Variants in SATB2 observed in about 807,000 individuals in gnomAD.
SATB2 encodes the protein DNA-binding protein SATB2.
Under a neutral mutation model 73.4 loss-of-function variants are expected in SATB2, and 1 was observed. The observed-to-expected ratio is 0.01, with a 90% CI of 0.00 to 0.06. The LOEUF is 0.06. Ranked by LOEUF, SATB2 falls within the 10% of genes least tolerant of loss-of-function variation. SATB2 has a pLI of 1.00. For missense variants in SATB2, 459 were observed against 945.8 expected, an observed-to-expected ratio of 0.49 and a Z score of 6.75; for synonymous variants, 397 against 367.0, an observed-to-expected ratio of 1.08 and a Z score of -0.93.
At chr2:199,416,462 T>C (rs1173547717) in intron 3 of SATB2, among the ~76,000 whole-genome samples, 1 of 152,186 alleles carries the variant, frequency 6.6e-6, no homozygotes, top group Non-Finnish European at 1.5e-5. Context: ...ACCACACATC[T>C]ACTAGTTGGC....
At chr2:199,468,616 G>C (rs1363149159), upstream of SATB2, among the ~76,000 whole-genome samples, 1 of 152,220 alleles carries the variant, frequency 6.6e-6, no homozygotes, top group Non-Finnish European at 1.5e-5. Flanking sequence ...CTCCAGTATA[G>C]ACTAAGTGAA....
intron 3 of SATB2, among the ~76,000 whole-genome samples, chr2:199,408,481 G>T (rs1296341804): frequency 1.3e-5 from 2 of 152,078 alleles, no homozygotes; most frequent in African/African-American, 2.4e-5. Context: ...CCACAATGAG[G>T]TAATGAGATA....
intron 3 of SATB2, among the ~76,000 whole-genome samples, chr2:199,402,238 A>C (rs1282004703): frequency 6.6e-6 from 1 of 152,162 alleles, no homozygotes; most frequent in Non-Finnish European, 1.5e-5. Flanking sequence ...TACAAAAATT[A>C]GCCAGGCGTA....
intron 9 of SATB2, among the ~76,000 whole-genome samples, chr2:199,315,181 T>C (rs898224354): frequency 6.6e-6 from 1 of 152,140 alleles, no homozygotes; most frequent in Admixed American, 6.5e-5. Context: ...TCTGTGTGTA[T>C]ATATGCATGT....
upstream of SATB2, among the ~76,000 whole-genome samples, chr2:199,465,781 T>C (rs919024100): frequency 2.6e-5 from 4 of 152,368 alleles, no homozygotes; most frequent in Middle Eastern, 3.4e-3. Flanking sequence ...TTTAGAAAAG[T>C]GTTGTGCTAA....
chr2:199,409,086 G>T (rs1014427777), intron 3 of SATB2, among the ~76,000 whole-genome samples: 18 of 151,690 alleles, frequency 1.2e-4, no homozygotes, highest in African/African-American at 3.6e-4. Flanking sequence ...AGGGTATGAT[G>T]ATATAAAACA....
At chr2:199,456,814 T>C (rs557421334) in intron 1 of SATB2, among the ~76,000 whole-genome samples, 1 of 152,326 alleles carries the variant, frequency 6.6e-6, no homozygotes, top group East Asian at 1.9e-4. Flanking sequence ...AGCTCTTCAA[T>C]ATAAAACACA....
intron 3 of SATB2, among the ~76,000 whole-genome samples, chr2:199,392,416 G>GAAA (rs34507550): frequency 0.018 from 2,601 of 145,372 alleles, 84 homozygotes; most frequent in African/African-American, 0.062. Flanking sequence ...CAATACCCAG[G>GAAA]AAAAAAAAAA....
intron 10 of SATB2, among the ~76,000 whole-genome samples, chr2:199,287,879 A>C (rs978661868): frequency 4.6e-5 from 7 of 152,096 alleles, no homozygotes; most frequent in African/African-American, 1.7e-4. Context: ...TTGAGCTCTG[A>C]CTCCAAAATC....
chr2:199,317,422 TA>T (rs1406842664), intron 9 of SATB2, among the ~76,000 whole-genome samples: 2 of 152,060 alleles, frequency 1.3e-5, no homozygotes, highest in African/African-American at 4.8e-5. Context: ...CAACCTAATT[TA>T]CTTCAAAGAC....
chr2:199,320,773 A>C (rs1431342060), intron 9 of SATB2, among the ~76,000 whole-genome samples: 1 of 152,132 alleles, frequency 6.6e-6, no homozygotes, highest in African/African-American at 2.4e-5. Flanking sequence ...TACTCTCTCT[A>C]AAACTTTCCT....
Position 199,380,401 on chromosome 2 carries a change from T to C in SATB2, c.560A>G (p.Asn187Ser). Residue 187 changes from asparagine to serine, a missense_variant, in exon 5 of 11, where the codon AAC becomes AGC. Physicochemically the swap from Asn to Ser is conservative, Grantham distance 46 (BLOSUM62 1). Transcript: ENST00000417098. ...GCATTCTTTGGCTAATGTGCTCTGGTTCATCTCTTTGAGCAGTTCCTTTAA... is the reference window on the plus strand; with the variant it reads ...GCATTCTTTGGCTAATGTGCTCTGGCTCATCTCTTTGAGCAGTTCCTTTAA... Reference protein sequence around the residue: ...NALKELLKEMNQSTLAKECPL... With the variant: ...NALKELLKEMSQSTLAKECPL... 1.9e-6 allele frequency: 3 copies of C among 1,613,970 alleles called. No homozygotes were observed. The highest frequency in any genetic ancestry group is 2.5e-6 in the Non-Finnish European group (3 of 1,179,844).
intron 7 of SATB2, among the ~76,000 whole-genome samples, chr2:199,334,171 T>C (rs1559167199): frequency 6.6e-6 from 1 of 152,150 alleles, no homozygotes; most frequent in Non-Finnish European, 1.5e-5. Context: ...CAAAGACAGC[T>C]TAGATGTACT....
upstream of SATB2, among the ~76,000 whole-genome samples, chr2:199,460,160 TACCA>T (rs1349302696): frequency 6.6e-6 from 1 of 150,650 alleles, no homozygotes; most frequent in Non-Finnish European, 1.5e-5. The surrounding 1 kb of genome is among the most constrained non-coding windows in gnomAD (Gnocchi z 4.0). Flanking sequence ...TCCCCCCGCA[TACCA>T]CCCCCAGTCA....
In SATB2 at chr2:199,361,459, G is replaced by T. The variant is rs149637312; in HGVS notation, c.700+7146C>A. Among the ~76,000 whole-genome samples the T allele has an allele frequency of 9.9e-4, 150 of 151,796 alleles. 1 individual carries two copies. Among genetic ancestry groups the T allele is most frequent in the Non-Finnish European group, 1.7e-3 (116 of 67,938 alleles). On this transcript the variant is annotated intron_variant, in intron 6 of 10. Coordinates refer to ENST00000417098, the MANE Select transcript of SATB2 (RefSeq NM_001172509.2). ...CACCATTCCATTTCCGTCAATTACT[G>T]CAATAGGTTCGACTTTGCCTACTTC... is the stretch of plus-strand genomic sequence containing the variant.
intron 8 of SATB2, among the ~76,000 whole-genome samples, chr2:199,324,648 C>A (rs1687981990): frequency 6.6e-6 from 1 of 152,158 alleles, no homozygotes. Flanking sequence ...GATTTCCCAT[C>A]AGCTTCAGAG....
At chr2:199,405,619 T>C (rs184137549) in intron 3 of SATB2, among the ~76,000 whole-genome samples, 1 of 152,178 alleles carries the variant, frequency 6.6e-6, no homozygotes, top group Non-Finnish European at 1.5e-5. Flanking sequence ...TCCACCACTA[T>C]CACTTTTTCA....
At chr2:199,375,508 T>C (rs993044048) in intron 5 of SATB2, among the ~76,000 whole-genome samples, 2 of 152,230 alleles carry the variant, frequency 1.3e-5, no homozygotes, top group South Asian at 4.1e-4. Context: ...TGTGGCACTT[T>C]TATGGACTTC....
At chr2:199,433,754 A>T (rs1691572822) in intron 2 of SATB2, among the ~76,000 whole-genome samples, 1 of 152,074 alleles carries the variant, frequency 6.6e-6, no homozygotes, top group Admixed American at 6.5e-5. Flanking sequence ...TTCACCAATT[A>T]GAGGTGTCCT....
Sources: gnomAD v4.1 joint callset for allele counts (sites outside exome capture counted in the v4.1 genomes callset) on GRCh38, gnomAD v4.1.1 for gene constraint, Gnocchi (gnomAD v3.1) non-coding constraint, MANE v1.5 for transcripts, NCBI Gene and HGNC (gene_info 2026-07-23, HGNC 2026-07-21) for gene names.